Variants in EXOC3L4 observed in about 807,000 individuals in gnomAD.
EXOC3L4 encodes the protein exocyst complex component 3-like protein 4.
EXOC3L4 carries 62 observed loss-of-function variants against 69.7 expected under a neutral mutation model. The ratio of observed to expected loss-of-function variants is 0.89; its 90% confidence interval spans 0.72 to 1.10. The LOEUF is 1.10. Among genes scored for constraint, EXOC3L4 ranks in the 50% least tolerant of loss-of-function variants. The pLI, the probability that EXOC3L4 is intolerant of heterozygous loss-of-function variation, is 0.00. For synonymous variants in EXOC3L4, 502 were observed against 464.2 expected, an observed-to-expected ratio of 1.08 and a Z score of -1.05; for missense variants, 1,087 against 1,034.8, an observed-to-expected ratio of 1.05 and a Z score of -0.69.
At chr14:103,108,060 C>G (rs1890673912) in intron 10 of EXOC3L4, among the ~76,000 whole-genome samples, 1 of 152,172 alleles carries the variant, frequency 6.6e-6, no homozygotes, top group South Asian at 2.1e-4. Flanking sequence ...AGGTGTCCCC[C>G]ACCTCAGGCC....
At chr14:103,105,166 AG>A (rs1203463216) in intron 7 of EXOC3L4, 94 bp downstream of exon 7, 15 of 1,251,032 alleles carry the variant, frequency 1.2e-5, no homozygotes, top group Non-Finnish European at 1.7e-5. Context: ...GCGCGCGTGG[AG>A]GGGGCAGAGG....
rs964874054 is a variant in EXOC3L4 at position 103,097,675 on chromosome 14, G to A, written c.-16-2529G>A. ...GCCACATCATCACAGGGACAGTGCC[G>A]AGTACCCACTGAGCAGATAGATGGT... On this transcript the variant is annotated intron_variant, in intron 1 of 11. Coordinates refer to ENST00000688303, the MANE Select transcript of EXOC3L4 (RefSeq NM_001077594.2). The surrounding 1 kb of genome is among the most constrained non-coding windows in gnomAD (Gnocchi z 4.9). 3.9e-5 allele frequency among the ~76,000 whole-genome samples: 6 copies of A among 152,206 alleles called. No homozygotes were observed. In the South Asian group the frequency reaches 6.2e-4, roughly 16 times the overall value.
rs191971953 is a variant in EXOC3L4, at chr14:103,108,706, T to A, written c.1976+189T>A. Among the ~76,000 whole-genome samples the A allele has an allele frequency of 1.0e-3, 159 of 152,160 alleles. 3 individuals are homozygous for A. Among genetic ancestry groups the A allele is most frequent in the African/African-American group, 3.6e-3 (148 of 41,508 alleles). The stretch of plus-strand genomic sequence containing the variant: ...GAGAGAGCCCCTTCTCCTAATCTGC[T>A]CTTGGCCATCCTCCATCAGCCCCAC... On this transcript the variant is annotated intron_variant, in intron 11 of 11. Transcript: ENST00000688303.
chr14:103,100,486 A>C lies in EXOC3L4; in HGVS notation c.267A>C (p.Gln89His), dbSNP rs748371251. 1 of 1,613,254 alleles carries C rather than the reference A, an allele frequency of 6.2e-7. No homozygotes were observed. ...GCTCCCTGTTCCGGTCCTTCCGGCA[A>C]GCCCTGAATGACGGCCCAGCTACCG... Reference protein sequence around the residue: ...SSCSLFRSFRQALNDGPATGH... With the variant: ...SSCSLFRSFRHALNDGPATGH... Residue 89 changes from glutamine to histidine, a missense_variant, in exon 2 of 12, where the codon CAA becomes CAC. By Grantham distance (24) the Gln-to-His change is conservative. Transcript: ENST00000688303.
intron 6 of EXOC3L4, 44 bp from the exon 7 acceptor site, chr14:103,104,948 G>T (rs200932924): frequency 5.7e-6 from 9 of 1,586,770 alleles, no homozygotes; most frequent in African/African-American, 4.0e-5. Flanking sequence ...GGGTCATCGC[G>T]CAGCTAGGGA....
intron 7 of EXOC3L4, among the ~76,000 whole-genome samples, chr14:103,105,644 C>T (rs1041019522): frequency 4.6e-5 from 7 of 152,134 alleles, no homozygotes; most frequent in Non-Finnish European, 1.0e-4. Flanking sequence ...GGGAAGCCTC[C>T]CTCAGCCTGC....
intron 7 of EXOC3L4, 123 bp from the exon 8 acceptor site, chr14:103,106,662 A>G (rs1477046028): frequency 1.6e-6 from 1 of 607,572 alleles, no homozygotes; most frequent in Non-Finnish European, 2.9e-6. Flanking sequence ...AGACAGCTAC[A>G]ATGGGGAGCC....
chr14:103,107,595 T>C (rs761007572), intron 9 of EXOC3L4, 36 bp from the exon 10 acceptor site: 28 of 1,597,924 alleles, frequency 1.8e-5, no homozygotes, highest in Non-Finnish European at 2.2e-5. Context: ...TTGGGGCTGT[T>C]GACCCTGACC....
In EXOC3L4 at chr14:103,110,446, T is replaced by C; in HGVS notation, c.*223T>C. The C allele has an allele frequency of 1.5e-6, 1 of 651,206 alleles. No homozygotes were observed. Among genetic ancestry groups the C allele is most frequent in the Non-Finnish European group, 2.8e-6 (1 of 362,030 alleles). 40.3% of individuals were successfully genotyped at this position (651,206 alleles called of 1,614,324 possible). On this transcript the variant is annotated 3_prime_UTR_variant, in exon 12 of 12. Coordinates refer to ENST00000688303, the MANE Select transcript of EXOC3L4 (RefSeq NM_001077594.2). ...GGGGAGTGTTTTGGGGCCGCAGAGC[T>C]CTCAATGCTGCCTATCGGGCGGGGG... is the stretch of plus-strand genomic sequence containing the variant.
chr14:103,103,797 C>G, intron 3 of EXOC3L4, 144 bp from the exon 4 acceptor site: 2 of 432,428 alleles, frequency 4.6e-6, no homozygotes, highest in Non-Finnish European at 4.0e-6. Context: ...GGCGCGCGCG[C>G]GTGTGTGTGT....
chr14:103,096,401 CTT>C, intron 1 of EXOC3L4, among the ~76,000 whole-genome samples: 1 of 131,892 alleles, frequency 7.6e-6, no homozygotes, highest in African/African-American at 2.8e-5. Context: ...TGGCAAGATT[CTT>C]TTTTTTTTTG....
chr14:103,103,706 C>A, intron 3 of EXOC3L4: 1 of 520,002 alleles, frequency 1.9e-6, no homozygotes, highest in Non-Finnish European at 3.4e-6. Flanking sequence ...ATCTGGGTAG[C>A]CGTCCTTCAG....
intron 3 of EXOC3L4, 34 bp downstream of exon 3, chr14:103,102,806 C>G: frequency 7.6e-7 from 1 of 1,315,424 alleles, no homozygotes; most frequent in Non-Finnish European, 9.7e-7. Context: ...GTGGCGAGGA[C>G]AGCTGCCGCT....
At chr14:103,098,665 C>T (rs545018580) in intron 1 of EXOC3L4, 3 of 152,294 alleles carry the variant, frequency 2.0e-5, no homozygotes, top group African/African-American at 7.2e-5. Flanking sequence ...ACACCCCTGC[C>T]CTGCTGGGCG....
intron 5 of EXOC3L4, 22 bp downstream of exon 5, chr14:103,104,411 T>A: frequency 6.5e-7 from 1 of 1,535,242 alleles, no homozygotes; most frequent in Non-Finnish European, 8.8e-7. Context: ...GAGCAGGGGC[T>A]GAGAAGGGGC....
intron 2 of EXOC3L4, 57 bp from the exon 3 acceptor site, chr14:103,102,061 T>C (rs1363044677): frequency 6.6e-7 from 1 of 1,522,702 alleles, no homozygotes; most frequent in Non-Finnish European, 8.9e-7. Flanking sequence ...CAGGTCTTCG[T>C]CCAGGTTCGG....
chr14:103,109,075 A>T (rs1190057375), intron 11 of EXOC3L4, among the ~76,000 whole-genome samples: 1 of 150,100 alleles, frequency 6.7e-6, no homozygotes, highest in East Asian at 2.0e-4. Flanking sequence ...TGGCCCTTAC[A>T]TCACCCTGGG....
At chr14:103,109,738 G>A (rs1890815061) in intron 11 of EXOC3L4, among the ~76,000 whole-genome samples, 1 of 135,382 alleles carries the variant, frequency 7.4e-6, no homozygotes, top group Admixed American at 7.4e-5. Context: ...TCTCCAGCCT[G>A]GGTCTCTCCA....
At position 103,108,531 on chromosome 14, in the gene EXOC3L4, C is replaced by G; in HGVS notation, c.1976+14C>G. ...CCCCGACATCAGGTGTGTACCCCACCTGCTTCCACTAGCTTCCTACCAGAG... is the reference window on the plus strand; with the variant it reads ...CCCCGACATCAGGTGTGTACCCCACGTGCTTCCACTAGCTTCCTACCAGAG... On this transcript the variant is annotated intron_variant, in intron 11 of 11. Transcript: ENST00000688303. 1.2e-6 allele frequency: 2 copies of G among 1,610,738 alleles called. No individual in the cohort carries two copies. Among genetic ancestry groups the G allele is most frequent in the Non-Finnish European group, 1.7e-6 (2 of 1,178,002 alleles).
Sources: gnomAD v4.1 joint callset for allele counts (sites outside exome capture counted in the v4.1 genomes callset) on GRCh38, gnomAD v4.1.1 for gene constraint, Gnocchi (gnomAD v3.1) non-coding constraint, MANE v1.5 for transcripts, NCBI Gene and HGNC (gene_info 2026-07-23, HGNC 2026-07-21) for gene names.